The following TNNI1 variants were observed in gnomAD, a reference collection of about 807,000 sequenced individuals.
The protein encoded by TNNI1 is troponin I1, slow skeletal type, also known as troponin I, slow skeletal muscle.
A neutral mutation model predicts 26.7 loss-of-function variants in TNNI1; 14 were observed. The observed-to-expected ratio is 0.52, with a 90% confidence interval of 0.35 to 0.82. The LOEUF (loss-of-function observed/expected upper bound fraction) is 0.82. Among genes scored for constraint, TNNI1 ranks in the 40% least tolerant of loss-of-function variants. TNNI1 has a pLI of 0.01. For synonymous variants in TNNI1, 79 were observed against 98.2 expected (o/e 0.80, Z 1.16); for missense variants, 164 against 257.0 (o/e 0.64, Z 2.47).
At chr1:201,410,465 C>T in intron 7 of TNNI1, 30 bp from the exon 8 acceptor site, 1 of 1,599,578 alleles carries the variant, frequency 6.3e-7, no homozygotes. Context: ...ACATCAGGGA[C>T]TTACCAGGCT....
chr1:201,419,527 T>C (rs1662819529), intron 1 of TNNI1, among the ~76,000 whole-genome samples: 2 of 151,918 alleles, frequency 1.3e-5, no homozygotes, highest in African/African-American at 4.8e-5. Context: ...GGGCAGGAGT[T>C]TGGACTTGGT....
intron 2 of TNNI1, 67 bp downstream of exon 2, chr1:201,417,716 C>T (rs368815004): frequency 3.8e-5 from 49 of 1,287,510 alleles, no homozygotes; most frequent in African/African-American, 3.8e-4. Context: ...GCCTCCACTG[C>T]GGGGCTGAAG....
chr1:201,415,287 A>G, intron 3 of TNNI1, 33 bp from the exon 4 acceptor site: 1 of 1,612,294 alleles, frequency 6.2e-7, no homozygotes, highest in Admixed American at 1.7e-5. Flanking sequence ...ACAGGTGGTG[A>G]GGCAGAGGCT....
chr1:201,408,837 G>A lies in TNNI1; in HGVS notation c.*416C>T, dbSNP rs1662578098. 6.6e-6 allele frequency: 1 copy of A among 152,282 alleles called. No individual in the cohort carries two copies. The allele number at this position is 152,282 out of a possible 1,614,324, so 9.4% of individuals were successfully genotyped here. ...GCCCCAAGTCTTCCCTTTCTTCTCA[G>A]GGCTCACAGTCAGAGCTGCAGAAAT... On this transcript the variant is annotated 3_prime_UTR_variant, in exon 9 of 9. Coordinates refer to ENST00000361379, the MANE Select transcript of TNNI1 (RefSeq NM_003281.4).
chr1:201,416,116 A>G (rs780294716), intron 3 of TNNI1, among the ~76,000 whole-genome samples: 1 of 152,188 alleles, frequency 6.6e-6, no homozygotes, highest in Non-Finnish European at 1.5e-5. Flanking sequence ...TTGAGAGGGA[A>G]GTTCTCATGA....
chr1:201,410,222 C>T, intron 8 of TNNI1, 104 bp downstream of exon 8: 4 of 952,970 alleles, frequency 4.2e-6, no homozygotes, highest in Non-Finnish European at 6.5e-6. Flanking sequence ...TTAGTCCGTG[C>T]ATCCGTGCAC....
chr1:201,419,531 A>G (rs975818066), intron 1 of TNNI1, among the ~76,000 whole-genome samples: 1 of 152,146 alleles, frequency 6.6e-6, no homozygotes, highest in Non-Finnish European at 1.5e-5. Context: ...AGGAGTTTGG[A>G]CTTGGTTCAA....
intron 5 of TNNI1, 58 bp downstream of exon 5, chr1:201,414,458 TGG>T: frequency 7.0e-7 from 1 of 1,437,982 alleles, no homozygotes; most frequent in Non-Finnish European, 9.2e-7. Context: ...GCCTGGTCCT[TGG>T]AGCCACCCAC....
rs569001099 is a variant in TNNI1 at position 201,414,438 on chromosome 1, G to T, written c.189+80C>A. 1.2e-5 allele frequency: 16 copies of T among 1,314,208 alleles called. No homozygotes were observed. In the South Asian group the frequency reaches 2.5e-4, roughly 20 times the overall value. 81.4% of individuals were successfully genotyped at this position (1,314,208 alleles called of 1,614,324 possible). A position where few individuals can be genotyped will look rare whatever the true frequency, so the allele number is the denominator to read the frequency against. On this transcript the variant is annotated intron_variant, in intron 5 of 8. Coordinates refer to ENST00000361379, the MANE Select transcript of TNNI1 (RefSeq NM_003281.4). ...GGAGCCTTGAGCTGGTGTTAGTTCA[G>T]GCTCCTGCCGCCTGGTCCTTGGAGC...
At chr1:201,410,742 C>T (rs947647415) in intron 7 of TNNI1, among the ~76,000 whole-genome samples, 2 of 152,246 alleles carry the variant, frequency 1.3e-5, no homozygotes, top group African/African-American at 4.8e-5. Context: ...TGGTCTGGCA[C>T]TCAGCAGGCT....
chr1:201,414,597 C>T lies in TNNI1; in HGVS notation c.110G>A (p.Arg37His), dbSNP rs150769331. ...CAGGTAGCGCACCTTCTCAGCCTCG[C>T]GCTCCTCGTGCTCCTGCTCCCAGCA... ...KECWEQEHEE[R>H]EAEKVRYLAE... Residue 37 changes from arginine (R) to histidine (H), a missense_variant, in exon 5 of 9, where the codon CGC becomes CAC. By Grantham distance (29) the Arg-to-His change is conservative. Around this residue, in one of 3 missense-constraint regions of TNNI1, gnomAD observed 117 missense variants for 158.7 expected, o/e 0.74. Transcript: ENST00000361379. 3.8e-5 allele frequency: 62 copies of T among 1,613,806 alleles called. No individual in the cohort carries two copies. The highest frequency in any genetic ancestry group is 9.3e-5 in the African/African-American group (7 of 74,942).
At chr1:201,418,898 T>C (rs1412092479) in intron 1 of TNNI1, among the ~76,000 whole-genome samples, 1 of 152,152 alleles carries the variant, frequency 6.6e-6, no homozygotes, top group Non-Finnish European at 1.5e-5. Context: ...GAATCCTTTG[T>C]CCTAACCAAA....
intron 3 of TNNI1, among the ~76,000 whole-genome samples, chr1:201,416,164 C>T (rs1662736292): frequency 6.6e-6 from 1 of 152,142 alleles, no homozygotes; most frequent in Non-Finnish European, 1.5e-5. Context: ...GAATGTGTAA[C>T]TTCTATTCTG....
chr1:201,417,034 C>T, intron 3 of TNNI1, 82 bp downstream of exon 3: 1 of 1,561,618 alleles, frequency 6.4e-7, no homozygotes, highest in Non-Finnish European at 8.8e-7. Flanking sequence ...GCTCTTCCCT[C>T]TCCTCAGATG....
At position 201,411,280 on chromosome 1, in the gene TNNI1, C is replaced by T; in HGVS notation, c.456+77G>A. 6.5e-7 allele frequency: 1 copy of T among 1,541,270 alleles called. No individual in the cohort carries two copies. Among genetic ancestry groups the T allele is most frequent in the Non-Finnish European group, 8.9e-7 (1 of 1,126,624 alleles). ...CTCCAACAGGAGCTCCTGGGCCAGC[C>T]TGAGGCCATGTGAGGGGTTGACAAG... On this transcript the variant is annotated intron_variant, in intron 7 of 8. Transcript: ENST00000361379. The surrounding 1 kb of genome is among the most constrained non-coding windows in gnomAD (Gnocchi z 4.6).
At chr1:201,417,345 T>C (rs1275912704) in intron 2 of TNNI1, among the ~76,000 whole-genome samples, 2 of 152,088 alleles carry the variant, frequency 1.3e-5, no homozygotes, top group African/African-American at 4.8e-5. Flanking sequence ...CTACGGGGCA[T>C]TCTTATTGGG....
intron 1 of TNNI1, among the ~76,000 whole-genome samples, chr1:201,420,004 C>A (rs938908843): frequency 6.6e-6 from 1 of 152,254 alleles, no homozygotes; most frequent in African/African-American, 2.4e-5. Context: ...CCAGGCCCAT[C>A]TGTCCATCAT....
Position 201,411,105 on chromosome 1 carries a change from A to G in TNNI1, c.456+252T>C, listed in dbSNP as rs16848527. Reference sequence around the variant, plus strand: ...ACACTGGGAACAAGATTTTTACTTCATTTCTCCGTCTGGGGTCTAGCTTTC... The same window carrying G: ...ACACTGGGAACAAGATTTTTACTTCGTTTCTCCGTCTGGGGTCTAGCTTTC... On this transcript the variant is annotated intron_variant, in intron 7 of 8. Coordinates refer to ENST00000361379, the MANE Select transcript of TNNI1 (RefSeq NM_003281.4). The surrounding 1 kb of genome is among the most constrained non-coding windows in gnomAD (Gnocchi z 4.6). Among the ~76,000 whole-genome samples, 3,541 of 151,984 alleles carry G rather than the reference A, an allele frequency of 0.023. 124 individuals carry two copies. The highest frequency in any genetic ancestry group is 0.081 in the African/African-American group (3,337 of 41,448).
chr1:201,409,691 G>T (rs549640512), intron 8 of TNNI1, among the ~76,000 whole-genome samples: 1 of 152,186 alleles, frequency 6.6e-6, no homozygotes, highest in Non-Finnish European at 1.5e-5. Context: ...CAGCACTTCC[G>T]TAGAGGGTTT....
Sources: gnomAD v4.1 joint callset for allele counts (sites outside exome capture counted in the v4.1 genomes callset) on GRCh38, gnomAD v4.1.1 for gene constraint, gnomAD v4.1.1 regional missense constraint, Gnocchi (gnomAD v3.1) non-coding constraint, MANE v1.5 for transcripts, NCBI Gene and HGNC (gene_info 2026-07-23, HGNC 2026-07-21) for gene names.